The following MOXD1 variants were observed in gnomAD, a reference collection of about 807,000 sequenced individuals.
MOXD1 encodes monooxygenase DBH like 1.
In MOXD1, 62 loss-of-function variants were observed where a neutral mutation model predicts 66.6. That is an observed-to-expected ratio of 0.93 (90% CI 0.76 to 1.15). The LOEUF (loss-of-function observed/expected upper bound fraction) is 1.15, where lower values mean the gene tolerates loss of function less well. Among genes scored for constraint, MOXD1 ranks in the 50% most tolerant of loss-of-function variants. The pLI, the probability that MOXD1 is intolerant of heterozygous loss-of-function variation, is 0.00. For synonymous variants in MOXD1, 303 were observed against 281.9 expected (o/e 1.07, Z -0.75); for missense variants, 847 against 754.6 (o/e 1.12, Z -1.44).
chr6:132,335,216 G>A (rs188221163), intron 4 of MOXD1, among the ~76,000 whole-genome samples: 13 of 151,314 alleles, frequency 8.6e-5, no homozygotes, highest in Admixed American at 4.0e-4. Flanking sequence ...AAAAAAATCC[G>A]TATGGTTTTG....
chr6:132,347,456 C>G (rs756282266), intron 4 of MOXD1, among the ~76,000 whole-genome samples: 4 of 152,150 alleles, frequency 2.6e-5, no homozygotes, highest in Admixed American at 6.6e-5. Flanking sequence ...GCAGACAGAT[C>G]ACTTGAGGTC....
chr6:132,399,032 T>C (rs1190237870), intron 1 of MOXD1, among the ~76,000 whole-genome samples: 1 of 150,922 alleles, frequency 6.6e-6, no homozygotes, highest in Non-Finnish European at 1.5e-5. Context: ...CTTAAATAAA[T>C]AGTTTCTAGA....
chr6:132,382,843 A>T (rs1776539232), intron 1 of MOXD1, among the ~76,000 whole-genome samples: 1 of 152,192 alleles, frequency 6.6e-6, no homozygotes. Context: ...CATATACCAA[A>T]AAAACCTTGC....
chr6:132,301,608 T>C (rs1247513968), intron 10 of MOXD1, among the ~76,000 whole-genome samples: 1 of 152,070 alleles, frequency 6.6e-6, no homozygotes, highest in Non-Finnish European at 1.5e-5. Flanking sequence ...GGAAGAGAGA[T>C]GGAAGATTTA....
intron 4 of MOXD1, among the ~76,000 whole-genome samples, chr6:132,333,731 G>A (rs899875227): frequency 6.6e-6 from 1 of 152,146 alleles, no homozygotes; most frequent in Non-Finnish European, 1.5e-5. Context: ...TACAAAGGTG[G>A]GGTGTACAGA....
In MOXD1 at chr6:132,379,026, T is replaced by G. The variant is rs534792428; in HGVS notation, c.265-4249A>C. Among the ~76,000 whole-genome samples, 6 of 151,186 alleles carry G rather than the reference T, an allele frequency of 4.0e-5. No homozygotes were observed. The South Asian group carries it at 1.0e-3, about 26-fold the overall frequency. ...CCTCCTGGGTTCCTAATTCCTTTTT[T>G]TATACCAGCATTACTTTGTTACCAA... On this transcript the variant is annotated intron_variant, in intron 1 of 11. Transcript: ENST00000367963.
intron 9 of MOXD1, 28 bp downstream of exon 9, chr6:132,320,601 A>C (rs763516084): frequency 6.5e-7 from 1 of 1,548,958 alleles, no homozygotes; most frequent in Non-Finnish European, 8.8e-7. Flanking sequence ...CCATAAATGA[A>C]CTTTAATAAT....
intron 4 of MOXD1, among the ~76,000 whole-genome samples, chr6:132,346,700 G>A (rs932754177): frequency 2.6e-5 from 4 of 152,154 alleles, no homozygotes; most frequent in African/African-American, 9.7e-5. Context: ...AATAAGTCCA[G>A]GTCTTTAAAT....
intron 10 of MOXD1, among the ~76,000 whole-genome samples, chr6:132,310,513 T>C (rs2114545564): frequency 6.6e-6 from 1 of 152,292 alleles, no homozygotes; most frequent in South Asian, 2.1e-4. Flanking sequence ...CCCAAAAGAA[T>C]ATAAATCATT....
chr6:132,316,000 A>T (rs1289532219), intron 9 of MOXD1, among the ~76,000 whole-genome samples: 2 of 152,168 alleles, frequency 1.3e-5, no homozygotes, highest in African/African-American at 4.8e-5. Context: ...AACCTAATAA[A>T]TTCTGCGGAT....
intron 4 of MOXD1, among the ~76,000 whole-genome samples, chr6:132,363,551 A>G (rs769445158): frequency 1.3e-5 from 2 of 152,178 alleles, no homozygotes; most frequent in Non-Finnish European, 2.9e-5. Flanking sequence ...GTAGAAGGCT[A>G]GCAAAATTGT....
At chr6:132,374,299 A>C (rs376306915) in intron 2 of MOXD1, among the ~76,000 whole-genome samples, 1 of 152,256 alleles carries the variant, frequency 6.6e-6, no homozygotes, top group South Asian at 2.1e-4. Flanking sequence ...TGTGTAATAC[A>C]TTTCTTCAAA....
At chr6:132,319,812 C>T (rs750149292) in intron 9 of MOXD1, among the ~76,000 whole-genome samples, 11 of 151,690 alleles carry the variant, frequency 7.3e-5, no homozygotes, top group Admixed American at 2.0e-4. Flanking sequence ...TAAGACAATT[C>T]CCTGTTATTC....
At chr6:132,341,754 G>T (rs1775567949) in intron 4 of MOXD1, among the ~76,000 whole-genome samples, 1 of 152,040 alleles carries the variant, frequency 6.6e-6, no homozygotes, top group Non-Finnish European at 1.5e-5. Context: ...ATGCAACTTT[G>T]CTTATTTAAA....
intron 1 of MOXD1, among the ~76,000 whole-genome samples, chr6:132,397,739 CAAAAT>C (rs1355088438): frequency 6.6e-6 from 1 of 151,644 alleles, no homozygotes; most frequent in Non-Finnish European, 1.5e-5. Flanking sequence ...TGTCTTCTCT[CAAAAT>C]AAAAGAACAA....
At chr6:132,329,771 A>G (rs1474617) in intron 4 of MOXD1, among the ~76,000 whole-genome samples, 66,364 of 152,010 alleles carry the variant, frequency 0.44, 20,052 homozygotes, top group African/African-American at 0.84. Flanking sequence ...AAGGAAACTT[A>G]CTGCAAGTTT....
intron 1 of MOXD1, chr6:132,392,075 T>C: frequency 9.1e-7 from 1 of 1,104,770 alleles, no homozygotes; most frequent in South Asian, 1.7e-5. Flanking sequence ...ACTCTCTTCA[T>C]CTCTCCCTTA....
chr6:132,310,065 A>T (rs1438053423), intron 10 of MOXD1, among the ~76,000 whole-genome samples: 6 of 152,244 alleles, frequency 3.9e-5, no homozygotes, highest in Non-Finnish European at 8.8e-5. Context: ...TCAAAGAGAC[A>T]ACCTACAGAA....
chr6:132,382,875 A>G (rs1776539736), intron 1 of MOXD1, among the ~76,000 whole-genome samples: 1 of 152,192 alleles, frequency 6.6e-6, no homozygotes, highest in Non-Finnish European at 1.5e-5. Flanking sequence ...GTTTAAAAGC[A>G]TGATGACACA....
Sources: allele counts gnomAD v4.1 joint callset (sites outside exome capture counted in the v4.1 genomes callset), GRCh38; gene constraint gnomAD v4.1.1; transcripts MANE v1.5; gene names NCBI Gene and HGNC (gene_info 2026-07-23, HGNC 2026-07-21).